The following PCNX2 variants were observed in gnomAD, a reference collection of about 807,000 sequenced individuals.
PCNX2 encodes pecanex-like protein 2.
PCNX2 carries 168 observed loss-of-function variants against 223.8 expected under a neutral mutation model. That is an observed-to-expected ratio of 0.75 (90% CI 0.66 to 0.85). The LOEUF (loss-of-function observed/expected upper bound fraction) is 0.85, where lower values mean the gene tolerates loss of function less well. PCNX2 is among the 40% of genes least tolerant of loss of function. The probability of loss-of-function intolerance (pLI) is 0.00; values close to 1 mark genes in which losing one functional copy is unlikely to be tolerated. For missense variants in PCNX2, 2,507 were observed against 2,675.5 expected (o/e 0.94, Z 1.39); for synonymous variants, 1,006 against 1,052.6 (o/e 0.96, Z 0.86).
At chr1:233,279,859 T>C (rs1661099160) in intron 1 of PCNX2, among the ~76,000 whole-genome samples, 1 of 152,226 alleles carries the variant, frequency 6.6e-6, no homozygotes, top group African/African-American at 2.4e-5. Flanking sequence ...AAACAGATTT[T>C]GTTTGGTTAT....
At chr1:233,310,841 C>A in the PCNX2 span, among the ~76,000 whole-genome samples, 9 of 152,260 alleles carry the variant, frequency 5.9e-5, no homozygotes, top group African/African-American at 2.2e-4. Flanking sequence ...GTGTGCAGGT[C>A]ACATGGCAGG....
At chr1:233,200,294 A>C in intron 13 of PCNX2, 30 bp from the exon 14 acceptor site, 2 of 1,482,816 alleles carry the variant, frequency 1.3e-6, no homozygotes, top group South Asian at 2.5e-5. Flanking sequence ...ATTGACGATA[A>C]GCATGGGGAA....
intron 23 of PCNX2, among the ~76,000 whole-genome samples, chr1:233,085,829 A>T (rs1161558789): frequency 1.3e-5 from 2 of 152,194 alleles, no homozygotes; most frequent in African/African-American, 4.8e-5. Context: ...GTTAGTCCCC[A>T]GCAGTTCCGA....
At chr1:232,994,892 C>T (rs144472893) in intron 32 of PCNX2, among the ~76,000 whole-genome samples, 111 of 152,290 alleles carry the variant, frequency 7.3e-4, no homozygotes, top group Non-Finnish European at 1.1e-3. Context: ...GAGGTCCCCC[C>T]AGCCATGCAG....
At chr1:233,079,267 G>A (rs150091424) in intron 23 of PCNX2, among the ~76,000 whole-genome samples, 1 of 152,140 alleles carries the variant, frequency 6.6e-6, no homozygotes, top group African/African-American at 2.4e-5. Flanking sequence ...GCTTACACCT[G>A]TAATTCCAGC....
chr1:233,147,114 G>A (rs997221001), intron 19 of PCNX2, among the ~76,000 whole-genome samples: 5 of 152,150 alleles, frequency 3.3e-5, no homozygotes, highest in African/African-American at 7.2e-5. Flanking sequence ...CCTGGGGGGT[G>A]TGTGTGTGAG....
chr1:232,998,789 A>T (rs1329261999), intron 31 of PCNX2, among the ~76,000 whole-genome samples: 1 of 152,204 alleles, frequency 6.6e-6, no homozygotes, highest in Non-Finnish European at 1.5e-5. Context: ...TGTGCTGGGG[A>T]TGTTCTTCCA....
intron 19 of PCNX2, among the ~76,000 whole-genome samples, chr1:233,158,215 A>G (rs1382786445): frequency 2.0e-5 from 3 of 152,206 alleles, no homozygotes; most frequent in Non-Finnish European, 2.9e-5. Flanking sequence ...GCCCACTCCT[A>G]TCTTTCACTG....
At chr1:233,142,471 C>T (rs1677188787) in intron 19 of PCNX2, among the ~76,000 whole-genome samples, 1 of 152,214 alleles carries the variant, frequency 6.6e-6, no homozygotes, top group Non-Finnish European at 1.5e-5. Flanking sequence ...CATCTTGGTT[C>T]AGTAGCCACT....
chr1:233,251,851 T>C (rs1659472220), intron 7 of PCNX2, among the ~76,000 whole-genome samples: 1 of 152,268 alleles, frequency 6.6e-6, no homozygotes, highest in Non-Finnish European at 1.5e-5. Context: ...TTTATAATTC[T>C]CTATGTATAC....
chr1:233,276,971 A>G (rs1660947535), intron 1 of PCNX2, among the ~76,000 whole-genome samples: 1 of 152,260 alleles, frequency 6.6e-6, no homozygotes, highest in Non-Finnish European at 1.5e-5. Context: ...CCTAACCTAG[A>G]CTAGAGTGTC....
At chr1:233,018,853 T>C (rs1431777861) in intron 26 of PCNX2, 1 of 985,316 alleles carries the variant, frequency 1.0e-6, no homozygotes, top group Non-Finnish European at 1.2e-6. Context: ...AAACGCTTAA[T>C]TGATGCTCTT....
At chr1:233,125,199 G>A (rs1676027341) in intron 21 of PCNX2, among the ~76,000 whole-genome samples, 1 of 152,166 alleles carries the variant, frequency 6.6e-6, no homozygotes, top group South Asian at 2.1e-4. Flanking sequence ...ATCTCTGAAG[G>A]CTCTGGCATT....
At chr1:233,189,871 G>A (rs16858821) in intron 15 of PCNX2, among the ~76,000 whole-genome samples, 13,388 of 152,138 alleles carry the variant, frequency 0.088, 1,418 homozygotes, top group African/African-American at 0.26. Flanking sequence ...CTATTTCTCC[G>A]AGGAGCAAAT....
At chr1:233,082,483 T>C (rs903637316) in intron 23 of PCNX2, among the ~76,000 whole-genome samples, 2 of 152,224 alleles carry the variant, frequency 1.3e-5, no homozygotes, top group Non-Finnish European at 2.9e-5. Flanking sequence ...GTTGCGTTCC[T>C]TGTCATGGCA....
At chr1:233,189,200 C>A (rs190055333) in intron 15 of PCNX2, among the ~76,000 whole-genome samples, 3 of 152,348 alleles carry the variant, frequency 2.0e-5, no homozygotes, top group Non-Finnish European at 4.4e-5. Flanking sequence ...GGCAAGTAAG[C>A]ATTCTGTGTT....
chr1:233,286,502 G>A (rs917378953), intron 1 of PCNX2, among the ~76,000 whole-genome samples: 11 of 152,278 alleles, frequency 7.2e-5, no homozygotes, highest in Middle Eastern at 6.8e-3. Flanking sequence ...ATATGTGGAC[G>A]TTGACATGGA....
intron 7 of PCNX2, among the ~76,000 whole-genome samples, chr1:233,251,855 T>C (rs543307993): frequency 6.6e-6 from 1 of 152,378 alleles, no homozygotes; most frequent in East Asian, 1.9e-4. Context: ...TAATTCTCTA[T>C]GTATACTATT....
At chr1:233,024,152 C>T (rs1037823257) in intron 26 of PCNX2, among the ~76,000 whole-genome samples, 1 of 152,198 alleles carries the variant, frequency 6.6e-6, no homozygotes, top group African/African-American at 2.4e-5. Flanking sequence ...TGGGCTCAAA[C>T]AATCCTCCTG....
Sources: gnomAD v4.1 joint callset for allele counts (sites outside exome capture counted in the v4.1 genomes callset) on GRCh38, gnomAD v4.1.1 for gene constraint, MANE v1.5 for transcripts, NCBI Gene and HGNC (gene_info 2026-07-23, HGNC 2026-07-21) for gene names.